Variants in TMEM231 observed in about 807,000 individuals in gnomAD.
TMEM231 encodes the protein transmembrane protein 231.
A neutral mutation model predicts 38.5 loss-of-function variants in TMEM231; 40 were observed. The ratio of observed to expected loss-of-function variants is 1.04; its 90% confidence interval spans 0.81 to 1.35. The LOEUF is 1.35. Ranked by LOEUF, TMEM231 falls within the 40% of genes most tolerant of loss-of-function variation. The pLI is 0.00. For missense variants in TMEM231, 420 were observed against 416.9 expected (o/e 1.01, Z -0.07); for synonymous variants, 199 against 181.7 (o/e 1.10, Z -0.77).
intron 4 of TMEM231, among the ~76,000 whole-genome samples, chr16:75,543,788 C>G (rs1400750380): frequency 1.3e-5 from 2 of 152,122 alleles, no homozygotes; most frequent in African/African-American, 4.8e-5. Flanking sequence ...TATAGACATT[C>G]AAACAAAAAG....
chr16:75,541,180 A>T lies in TMEM231; in HGVS notation c.770+170T>A, dbSNP rs2080622914. Among the ~76,000 whole-genome samples, 3 of 136,832 alleles carry T rather than the reference A, an allele frequency of 2.2e-5. No homozygotes were observed. In the South Asian group the frequency reaches 7.1e-4, roughly 33 times the overall value. 89.8% of individuals were successfully genotyped at this position (136,832 alleles called of 152,430 possible). On this transcript the variant is annotated intron_variant, in intron 6 of 6. Coordinates refer to ENST00000258173, the MANE Select transcript of TMEM231 (RefSeq NM_001077418.3). ...ACATGTACGCCACTATGCCTGGCTA[A>T]TTTTTTTTTTTTTTTTTTTGGTAGA... is the stretch of plus-strand genomic sequence containing the variant.
intron 2 of TMEM231, chr16:75,555,439 T>C: frequency 4.0e-6 from 1 of 250,656 alleles, no homozygotes. Context: ...TTATCTACAT[T>C]AACAGCGCGC....
At chr16:75,547,653 C>T (rs2080709618) in intron 2 of TMEM231, among the ~76,000 whole-genome samples, 1 of 152,080 alleles carries the variant, frequency 6.6e-6, no homozygotes, top group Non-Finnish European at 1.5e-5. Flanking sequence ...GTGGCACGTG[C>T]CTGTAATCCC....
rs566359435 is a variant in TMEM231, at chr16:75,538,072, C to G, written c.*1922G>C. On this transcript the variant is annotated 3_prime_UTR_variant, in exon 7 of 7. Transcript: ENST00000258173. ...GTGTGCAACCTCTGCCCTCCCTATT[C>G]TTTGCCATTCCAAACCCTTTCCCTC... 1.3e-5 allele frequency: 2 copies of G among 152,296 alleles called. No homozygotes were observed. The highest frequency in any genetic ancestry group is 3.9e-4 in the East Asian group (2 of 5,188). 9.4% of individuals were successfully genotyped at this position (152,296 alleles called of 1,614,324 possible). A position where few individuals can be genotyped will look rare whatever the true frequency, so the allele number is the denominator to read the frequency against.
intron 4 of TMEM231, 54 bp downstream of exon 4, chr16:75,545,298 A>G (rs1567436437): frequency 2.5e-6 from 4 of 1,572,602 alleles, no homozygotes; most frequent in Non-Finnish European, 1.7e-6. Flanking sequence ...TAAAGAACTT[A>G]ATGAACAGTA....
At chr16:75,548,078 T>C (rs927938606) in intron 2 of TMEM231, among the ~76,000 whole-genome samples, 10 of 152,172 alleles carry the variant, frequency 6.6e-5, no homozygotes, top group African/African-American at 2.2e-4. Flanking sequence ...TATTTTCCCA[T>C]TACACAGATG....
In TMEM231 at chr16:75,539,999, A is replaced by G. The variant is rs751003462; in HGVS notation, c.946T>C (p.Ser316Pro). 4.3e-6 allele frequency: 7 copies of G among 1,609,804 alleles called. 1 individual carries two copies. Among genetic ancestry groups the G allele is most frequent in the Admixed American group, 1.7e-5 (1 of 59,652 alleles). The change falls in exon 7 of 7, where the codon TCC (serine) becomes CCC (proline). Residue 316 changes from serine (S) to proline (P), a missense_variant. Transcript: ENST00000258173. ...AGTCTTCAGAAATGGCCTTTCTAGG[A>G]TAAGTGCTCCTTACACAAGTCTCCC... is the stretch of plus-strand genomic sequence containing the variant. ...PRGDLCKEHL[S>P]
At chr16:75,540,708 T>C (rs1053138842) in intron 6 of TMEM231, among the ~76,000 whole-genome samples, 20 of 152,232 alleles carry the variant, frequency 1.3e-4, no homozygotes, top group African/African-American at 4.6e-4. Context: ...GGCAAGAATG[T>C]TTCACATAAC....
Position 75,545,951 on chromosome 16 carries a change from T to C in TMEM231, c.313A>G (p.Arg105Gly), listed in dbSNP as rs1345129221. Residue 105 changes from arginine (R) to glycine (G), a missense_variant, in exon 3 of 7, where the codon AGA becomes GGA. By Grantham distance (125) the Arg-to-Gly change is moderately radical. Transcript: ENST00000258173. ...DRLRVPLVST[R>G]EEDRNQDGKT... ...CCATCCTGGTTCCTGTCTTCTTCTC[T>C]AGTCTAGGAAACCCAAACAGGCCCA... 1 of 1,530,020 alleles carries C rather than the reference T, an allele frequency of 6.5e-7. No individual in the cohort carries two copies. The highest frequency in any genetic ancestry group is 8.8e-7 in the Non-Finnish European group (1 of 1,138,284). 94.8% of individuals were successfully genotyped at this position (1,530,020 alleles called of 1,614,324 possible). A position where few individuals can be genotyped will look rare whatever the true frequency, so the allele number is the denominator to read the frequency against.
chr16:75,551,095 C>T (rs2080755600), intron 2 of TMEM231, among the ~76,000 whole-genome samples: 1 of 152,146 alleles, frequency 6.6e-6, no homozygotes, highest in African/African-American at 2.4e-5. Context: ...ACCGGGTGCT[C>T]CTTTCTTTTT....
chr16:75,538,513 T>C lies in TMEM231; in HGVS notation c.*1481A>G, dbSNP rs912925713. The C allele has an allele frequency of 2.0e-5, 3 of 152,180 alleles. No homozygotes were observed. The highest frequency in any genetic ancestry group is 7.2e-5 in the African/African-American group (3 of 41,444). The allele number at this position is 152,180 out of a possible 1,614,324, so 9.4% of individuals were successfully genotyped here. A position where few individuals can be genotyped will look rare whatever the true frequency, so the allele number is the denominator to read the frequency against. ...ATTTAGGCATATAAAACAGCCTGAA[T>C]ATTAAAAAAAGACAAGGGGGTCAGT... On this transcript the variant is annotated 3_prime_UTR_variant, in exon 7 of 7. Transcript: ENST00000258173.
chr16:75,551,047 G>C (rs1348568641), intron 2 of TMEM231, among the ~76,000 whole-genome samples: 2 of 151,970 alleles, frequency 1.3e-5, no homozygotes, highest in East Asian at 3.9e-4. Flanking sequence ...TAATTTCCTA[G>C]TTTATACCAG....
At chr16:75,547,777 CA>C (rs1260496841) in intron 2 of TMEM231, among the ~76,000 whole-genome samples, 1 of 151,656 alleles carries the variant, frequency 6.6e-6, no homozygotes, top group Non-Finnish European at 1.5e-5. Context: ...GACTCCATCT[CA>C]AAAAAATAAA....
At chr16:75,542,193 C>T (rs2080635167) in intron 5 of TMEM231, 1 of 191,318 alleles carries the variant, frequency 5.2e-6, no homozygotes, top group Non-Finnish European at 1.1e-5. Context: ...TCCTGCTGGA[C>T]TGCTAATGTG....
chr16:75,555,664 G>C (rs911309277), intron 2 of TMEM231, 140 bp downstream of exon 2: 1 of 829,370 alleles, frequency 1.2e-6, no homozygotes, highest in African/African-American at 1.8e-5. Context: ...GAGATGAAAC[G>C]CCACCTTTGC....
rs780891174 is a variant in TMEM231, at chr16:75,556,163, C to T, written c.47G>A (p.Arg16His). The T allele has an allele frequency of 3.2e-6, 5 of 1,547,300 alleles. No individual in the cohort carries two copies. Among genetic ancestry groups the T allele is most frequent in the Non-Finnish European group, 3.5e-6 (4 of 1,150,060 alleles). ...LFSHPVERSY[R>H]AGLCSKAALF... ...CGCGGCTTTGGAGCAGAGCCCCGCG[C>T]GGTAACTGCGCTCGACCGGGTGAGA... The change falls in exon 1 of 7, where the codon CGC becomes CAC. Residue 16 changes from arginine to histidine, a missense_variant. Transcript: ENST00000258173.
intron 5 of TMEM231, chr16:75,542,044 G>T (rs986466989): frequency 6.4e-6 from 1 of 156,434 alleles, no homozygotes; most frequent in African/African-American, 2.4e-5. Flanking sequence ...TGCTTGCCAA[G>T]TAACACTGTA....
chr16:75,556,111 G>C lies in TMEM231; in HGVS notation c.99C>G (p.Leu33=). 1 of 1,571,610 alleles carries C rather than the reference G, an allele frequency of 6.4e-7. No individual in the cohort carries two copies. Among genetic ancestry groups the C allele is most frequent in the Non-Finnish European group, 8.6e-7 (1 of 1,160,016 alleles). ...AALFLLLAAA[L]TYIPPLLVAF... ...CCACCAGCAGCGGCGGGATGTACGT[G>C]AGCGCAGCGGCCAGCAGCAGGAACA... The change falls in exon 1 of 7, where the codon CTC becomes CTG. Residue 33 remains leucine (L), a synonymous_variant. Coordinates refer to ENST00000258173, the MANE Select transcript of TMEM231 (RefSeq NM_001077418.3).
At chr16:75,548,647 T>C (rs2080720830) in intron 2 of TMEM231, among the ~76,000 whole-genome samples, 1 of 152,178 alleles carries the variant, frequency 6.6e-6, no homozygotes, top group African/African-American at 2.4e-5. Flanking sequence ...GGTGGGTGGA[T>C]TGCTTGGGCT....
Sources: allele counts gnomAD v4.1 joint callset (sites outside exome capture counted in the v4.1 genomes callset), GRCh38; gene constraint gnomAD v4.1.1; transcripts MANE v1.5; gene names NCBI Gene and HGNC (gene_info 2026-07-23, HGNC 2026-07-21).